The following CYREN variants were observed in gnomAD, a reference collection of about 807,000 sequenced individuals.
CYREN encodes cell cycle regulator of non-homologous end joining.
Under a neutral mutation model 9.7 loss-of-function variants are expected in CYREN, and 7 were observed. The ratio of observed to expected loss-of-function variants is 0.72; its 90% CI spans 0.41 to 1.36. CYREN has a LOEUF of 1.36. Among genes scored for constraint, CYREN ranks in the 40% most tolerant of loss-of-function variants. The pLI is 0.01. For missense variants in CYREN, 215 were observed against 198.1 expected (o/e 1.09, Z -0.51); for synonymous variants, 76 against 77.9 (o/e 0.98, Z 0.13).
At chr7:135,135,368 C>A in intron 2 of CYREN, 1 of 1,021,520 alleles carries the variant, frequency 9.8e-7, no homozygotes, top group Non-Finnish European at 1.3e-6. Context: ...TATCTCTCCC[C>A]TTACACATGC....
At chr7:135,122,828 TAGAA>T (rs764205822) in intron 2 of CYREN, among the ~76,000 whole-genome samples, 4 of 151,496 alleles carry the variant, frequency 2.6e-5, no homozygotes, top group African/African-American at 7.3e-5. Context: ...GAAAAACAAA[TAGAA>T]AGCAACAACA....
rs148821705 is a variant in CYREN, at chr7:135,109,606, C to T, written n.357-15024G>A. On this transcript the variant is annotated intron_variant and non_coding_transcript_variant, in intron 2 of 2. Transcript: ENST00000459937. ...GTGAAACAGCAAAGATGGTGGCCCA[C>T]CCCTCCCTCTGGGAGCTCTGTCCCA... Among the ~76,000 whole-genome samples, 791 of 152,286 alleles carry T rather than the reference C, an allele frequency of 5.2e-3. 7 individuals carry two copies. Among genetic ancestry groups the T allele is most frequent in the African/African-American group, 0.017 (727 of 41,556 alleles).
Position 135,099,176 on chromosome 7 carries a change from TGTCCTAGATTGGCTCTAAAAATGTTG to T in CYREN, n.357-4620_357-4595del, listed in dbSNP as rs536046593. On this transcript the variant is annotated intron_variant and non_coding_transcript_variant, in intron 2 of 2. Coordinates refer to the CYREN transcript ENST00000459937. ...ACTATTTTTTGGTCTGGTATATCTG[TGTCCTAGATTGGCTCTAAAAATGTTG>T]GTTACCTTAGTGTACCTGTCACTGT... 4.3e-3 allele frequency among the ~76,000 whole-genome samples: 508 copies of T among 118,548 alleles called. 2 individuals carry two copies. Among genetic ancestry groups the T allele is most frequent in the Non-Finnish European group, 6.8e-3 (354 of 52,006 alleles). 77.8% of individuals were successfully genotyped at this position (118,548 alleles called of 152,430 possible). A position where few individuals can be genotyped will look rare whatever the true frequency, so the allele number is the denominator to read the frequency against.
At chr7:135,120,116 A>C (rs1204983088) in intron 2 of CYREN, among the ~76,000 whole-genome samples, 1 of 152,254 alleles carries the variant, frequency 6.6e-6, no homozygotes, top group Non-Finnish European at 1.5e-5. Flanking sequence ...CTCTAAAAGA[A>C]TGACTAAAGG....
At chr7:135,172,388 T>C (rs1830698102), upstream of CYREN, among the ~76,000 whole-genome samples, 1 of 150,770 alleles carries the variant, frequency 6.6e-6, no homozygotes. Flanking sequence ...TTTGGTTTGG[T>C]ATAAACGGTA....
At chr7:135,171,557 CT>C (rs1830657894), upstream of CYREN, among the ~76,000 whole-genome samples, 2 of 152,222 alleles carry the variant, frequency 1.3e-5, no homozygotes, top group Admixed American at 1.3e-4. Context: ...CCCTTGCTTG[CT>C]CAAATCAATC....
intron 2 of CYREN, among the ~76,000 whole-genome samples, chr7:135,130,765 T>C (rs1292769771): frequency 6.6e-6 from 1 of 152,198 alleles, no homozygotes; most frequent in Non-Finnish European, 1.5e-5. Context: ...AAAGGTCTTC[T>C]CTAACAAGCT....
chr7:135,107,490 G>T (rs1186384870), intron 2 of CYREN, among the ~76,000 whole-genome samples: 2 of 152,142 alleles, frequency 1.3e-5, no homozygotes, highest in Non-Finnish European at 2.9e-5. Flanking sequence ...TCATTCAGGA[G>T]CATGTTGTTT....
At chr7:135,148,327 A>G in intron 2 of CYREN, 1 of 333,586 alleles carries the variant, frequency 3.0e-6, no homozygotes, top group South Asian at 2.4e-5. Context: ...ACCTTGTAAG[A>G]CAATTTTGTT....
Position 135,168,822 on chromosome 7 carries a change from C to T in CYREN, c.101G>A (p.Arg34Lys). The part of the protein sequence containing the change: ...KNVAPMKAPK[R>K]MRMAAVPVAA... ...CACTGGCACTGCTGCCATTCTCATCCTCTTGGGGGCCTTCATTGGTGCCAC... is the reference window on the plus strand; with the variant it reads ...CACTGGCACTGCTGCCATTCTCATCTTCTTGGGGGCCTTCATTGGTGCCAC... Residue 34 changes from arginine to lysine, a missense_variant, in exon 2 of 4, where the codon AGG becomes AAG. Coordinates refer to ENST00000393114, the MANE Select transcript of CYREN (RefSeq NM_024033.4). 3 of 1,614,150 alleles carry T rather than the reference C, an allele frequency of 1.9e-6. No homozygotes were observed. Among genetic ancestry groups the T allele is most frequent in the South Asian group, 1.1e-5 (1 of 91,074 alleles).
At chr7:135,170,604 G>A (rs2117575133) in intron 1 of CYREN, 48 bp downstream of exon 1, 1 of 152,398 alleles carries the variant, frequency 6.6e-6, no homozygotes, top group Non-Finnish European at 1.5e-5. Context: ...AGCTTCCAGA[G>A]CGGAGCCGGG....
At chr7:135,127,708 T>A (rs1320876136) in intron 2 of CYREN, among the ~76,000 whole-genome samples, 2 of 152,156 alleles carry the variant, frequency 1.3e-5, no homozygotes, top group Non-Finnish European at 2.9e-5. Context: ...GAAATAAGAA[T>A]GCTTTTACTC....
chr7:135,141,952 G>A (rs1023801326), intron 2 of CYREN, among the ~76,000 whole-genome samples: 1 of 152,066 alleles, frequency 6.6e-6, no homozygotes, highest in Non-Finnish European at 1.5e-5. Context: ...TCTGAGAATT[G>A]CTTTATGGCC....
At chr7:135,163,600 G>A (rs1240382674), downstream of CYREN, among the ~76,000 whole-genome samples, 5 of 152,176 alleles carry the variant, frequency 3.3e-5, no homozygotes, top group African/African-American at 9.7e-5. Context: ...AGCCAAGATC[G>A]CACCACTGCA....
intron 2 of CYREN, among the ~76,000 whole-genome samples, chr7:135,146,383 G>C (rs936228963): frequency 1.3e-5 from 2 of 152,060 alleles, no homozygotes; most frequent in African/African-American, 4.8e-5. Context: ...TAATGAAAAA[G>C]CTTGAAATGT....
chr7:135,153,104 T>A (rs1290459196), intron 2 of CYREN: 3 of 152,096 alleles, frequency 2.0e-5, no homozygotes, highest in Admixed American at 2.0e-4. Context: ...AATCACCAGA[T>A]AAATGCAAAT....
intron 2 of CYREN, among the ~76,000 whole-genome samples, chr7:135,096,481 T>C (rs13229515): frequency 0.45 from 65,544 of 146,622 alleles, 15,101 homozygotes; most frequent in East Asian, 0.78. Context: ...CATATACAAC[T>C]AGGAAGATAC....
chr7:135,096,453 T>G (rs1000774547), intron 2 of CYREN, among the ~76,000 whole-genome samples: 2 of 150,640 alleles, frequency 1.3e-5, no homozygotes, highest in African/African-American at 4.9e-5. Context: ...GCTATTCTTT[T>G]AATGACTCGT....
intron 2 of CYREN, among the ~76,000 whole-genome samples, chr7:135,112,538 G>A (rs1825789121): frequency 1.3e-5 from 2 of 151,764 alleles, no homozygotes; most frequent in African/African-American, 4.8e-5. Context: ...TTTTTACTTG[G>A]CTGACTTGTG....
Sources: allele counts gnomAD v4.1 joint callset (sites outside exome capture counted in the v4.1 genomes callset), GRCh38; gene constraint gnomAD v4.1.1; transcripts MANE v1.5; gene names NCBI Gene and HGNC (gene_info 2026-07-23, HGNC 2026-07-21).